The following MYO10 variants were observed in gnomAD, a reference collection of about 807,000 sequenced individuals.
MYO10 encodes the protein unconventional myosin-X.
A neutral mutation model predicts 257.3 loss-of-function variants in MYO10; 133 were observed. That is an observed-to-expected ratio of 0.52 (90% confidence interval 0.45 to 0.60). The LOEUF (loss-of-function observed/expected upper bound fraction) is 0.60, where lower values mean the gene tolerates loss of function less well. Among genes scored for constraint, MYO10 ranks in the 20% least tolerant of loss-of-function variants. MYO10 has a pLI of 0.00. For missense variants in MYO10, 2,399 were observed against 2,635.7 expected (o/e 0.91, Z 1.97); for synonymous variants, 1,104 against 1,028.6 (o/e 1.07, Z -1.40).
At chr5:16,687,199 T>C (rs974277229) in intron 28 of MYO10, among the ~76,000 whole-genome samples, 13 of 151,642 alleles carry the variant, frequency 8.6e-5, no homozygotes, top group Admixed American at 2.0e-4. Flanking sequence ...TACATGCTTA[T>C]AGTCCCAGCT....
At chr5:16,805,056 G>C (rs1742231394) in intron 3 of MYO10, among the ~76,000 whole-genome samples, 1 of 152,222 alleles carries the variant, frequency 6.6e-6, no homozygotes, top group Non-Finnish European at 1.5e-5. Context: ...ACATGTGTAA[G>C]AGGTTCACTG....
chr5:16,898,598 G>A (rs182888017), intron 1 of MYO10, among the ~76,000 whole-genome samples: 17 of 151,782 alleles, frequency 1.1e-4, no homozygotes, highest in Non-Finnish European at 2.1e-4. Flanking sequence ...TAGTAGAAAC[G>A]GGGTTTCACC....
intron 2 of MYO10, among the ~76,000 whole-genome samples, chr5:16,822,939 G>A (rs893409268): frequency 4.0e-5 from 6 of 151,576 alleles, no homozygotes; most frequent in East Asian, 2.0e-4. Flanking sequence ...CGCCCGCCTC[G>A]GCCTCCCAAA....
intron 1 of MYO10, among the ~76,000 whole-genome samples, chr5:16,929,080 G>T (rs1447533940): frequency 6.6e-6 from 1 of 151,340 alleles, no homozygotes; most frequent in Non-Finnish European, 1.5e-5. Context: ...AGCCTCCCGA[G>T]TAGCTGGGAC....
In MYO10 at chr5:16,671,058, C is replaced by G. The variant is rs899623986; in HGVS notation, c.5431-80G>C. ...GCCCACGTCGCTTGCTCCCTCACTT[C>G]ATGAGGGTTTCTCTCAAACTCACCT... On this transcript the variant is annotated intron_variant, in intron 38 of 40. Coordinates refer to ENST00000513610, the MANE Select transcript of MYO10 (RefSeq NM_012334.3). The G allele has an allele frequency of 5.5e-6, 7 of 1,266,768 alleles. No homozygotes were observed. The East Asian group carries it at 1.5e-4, about 27-fold the overall frequency. The allele number at this position is 1,266,768 out of a possible 1,614,324, so 78.5% of individuals were successfully genotyped here.
rs2126477674 is a variant in MYO10 at position 16,675,160 on chromosome 5, G to A, written c.4667-10C>T. On this transcript the variant is annotated splice_polypyrimidine_tract_variant and intron_variant, in intron 34 of 40. Transcript: ENST00000513610. ...CCTTTGTCTTTGAGCACTAGGACAAGCAAAACAAACACGGAACTCATCTGA... is the reference window on the plus strand; with the variant it reads ...CCTTTGTCTTTGAGCACTAGGACAAACAAAACAAACACGGAACTCATCTGA... The A allele has an allele frequency of 6.2e-7, 1 of 1,612,372 alleles. No homozygotes were observed. Among genetic ancestry groups the A allele is most frequent in the Non-Finnish European group, 8.5e-7 (1 of 1,179,820 alleles).
chr5:16,887,599 T>C (rs1744929624), intron 1 of MYO10, among the ~76,000 whole-genome samples: 1 of 152,212 alleles, frequency 6.6e-6, no homozygotes, highest in South Asian at 2.1e-4. Context: ...CAAGTGATTC[T>C]CCTACCTCAG....
intron 19 of MYO10, among the ~76,000 whole-genome samples, chr5:16,728,927 T>TTTTTC (rs777840312): frequency 1.3e-5 from 2 of 152,234 alleles, no homozygotes; most frequent in Non-Finnish European, 2.9e-5. Flanking sequence ...TTTTACTGTA[T>TTTTTC]TTTTCTTTTC....
rs138106656 is a variant in MYO10, at chr5:16,792,110, T to TACAC, written c.467+2532_467+2535dup. ...CCCTCCTGTTAGACACACACATACATACACACACACACACACACACACAGA... is the reference window on the plus strand; with the variant it reads ...CCCTCCTGTTAGACACACACATACATACACACACACACACACACACACACACAGA... On this transcript the variant is annotated intron_variant, in intron 4 of 40. Coordinates refer to ENST00000513610, the MANE Select transcript of MYO10 (RefSeq NM_012334.3). Among the ~76,000 whole-genome samples the TACAC allele has an allele frequency of 8.8e-3, 1,217 of 139,058 alleles. 19 individuals carry two copies. The highest frequency in any genetic ancestry group is 0.042 in the Admixed American group (580 of 13,854). The allele number at this position is 139,058 out of a possible 152,430, so 91.2% of individuals were successfully genotyped here. A position where few individuals can be genotyped will look rare whatever the true frequency, so the allele number is the denominator to read the frequency against.
chr5:16,815,847 AT>A (rs1396690002), intron 3 of MYO10, among the ~76,000 whole-genome samples: 4 of 152,154 alleles, frequency 2.6e-5, no homozygotes, highest in Admixed American at 2.6e-4. Context: ...CACAGAATGC[AT>A]CGCCACTTTC....
At chr5:16,780,005 G>A (rs1741347434) in intron 8 of MYO10, among the ~76,000 whole-genome samples, 2 of 152,050 alleles carry the variant, frequency 1.3e-5, no homozygotes, top group Admixed American at 6.6e-5. Flanking sequence ...GGGTTCAAGC[G>A]ATTCTCCTGC....
chr5:16,787,385 G>A (rs1244890320), intron 4 of MYO10, among the ~76,000 whole-genome samples: 1 of 151,970 alleles, frequency 6.6e-6, no homozygotes, highest in African/African-American at 2.4e-5. Flanking sequence ...TATGCCAGAT[G>A]TCCCGAGATA....
chr5:16,909,305 G>C (rs754255365), intron 1 of MYO10, among the ~76,000 whole-genome samples: 1 of 152,020 alleles, frequency 6.6e-6, no homozygotes, highest in Non-Finnish European at 1.5e-5. Flanking sequence ...TCAGGAGTTC[G>C]AGACCAGCCT....
chr5:16,796,475 AAAG>A (rs1199425676), intron 3 of MYO10, among the ~76,000 whole-genome samples: 3 of 29,964 alleles, frequency 1.0e-4, no homozygotes, highest in African/African-American at 3.5e-4. Flanking sequence ...AAAGAAAAGA[AAAG>A]AAAAGAAAGA....
chr5:16,702,818 T>A lies in MYO10; in HGVS notation c.2510+107A>T, dbSNP rs1738145119. ...GCCACCTAGAGTTACTGTTTCAAAT[T>A]GTAGGTTCTGGGGCATCTGCTGGGA... On this transcript the variant is annotated intron_variant, in intron 23 of 40. Coordinates refer to ENST00000513610, the MANE Select transcript of MYO10 (RefSeq NM_012334.3). 3.7e-6 allele frequency: 4 copies of A among 1,091,182 alleles called. No individual in the cohort carries two copies. The East Asian group carries it at 1.0e-4, about 28-fold the overall frequency. 67.6% of individuals were successfully genotyped at this position (1,091,182 alleles called of 1,614,324 possible).
chr5:16,693,432 C>G (rs1382349747), intron 27 of MYO10, among the ~76,000 whole-genome samples: 2 of 152,220 alleles, frequency 1.3e-5, no homozygotes, highest in African/African-American at 4.8e-5. Context: ...AAGGGACAGC[C>G]TGGAAATGTC....
intron 21 of MYO10, 55 bp downstream of exon 21, chr5:16,710,853 T>A: frequency 6.9e-7 from 1 of 1,456,744 alleles, no homozygotes; most frequent in South Asian, 1.2e-5. Flanking sequence ...CCTGTGAGCA[T>A]CACCCCGAGA....
chr5:16,916,062 A>C, intron 1 of MYO10: 1 of 456,210 alleles, frequency 2.2e-6, no homozygotes, highest in South Asian at 1.5e-5. Flanking sequence ...TACCAGTTGA[A>C]TCGCTTGGTC....
intron 28 of MYO10, among the ~76,000 whole-genome samples, chr5:16,688,230 G>A (rs1737336789): frequency 6.6e-6 from 1 of 152,160 alleles, no homozygotes; most frequent in Non-Finnish European, 1.5e-5. Context: ...GTTTGTGTTA[G>A]AATTTATGGG....
Sources: allele counts gnomAD v4.1 joint callset (sites outside exome capture counted in the v4.1 genomes callset), GRCh38; gene constraint gnomAD v4.1.1; transcripts MANE v1.5; gene names NCBI Gene and HGNC (gene_info 2026-07-23, HGNC 2026-07-21).